The following ARHGEF9 variants were observed in gnomAD, a reference collection of about 807,000 sequenced individuals.
ARHGEF9 encodes Cdc42 guanine nucleotide exchange factor 9, also known as rho guanine nucleotide exchange factor 9.
In ARHGEF9, 2 loss-of-function variants were observed where a neutral mutation model predicts 41.3. The ratio of observed to expected loss-of-function variants is 0.05; its 90% CI spans 0.02 to 0.15. The LOEUF is 0.15. Ranked by LOEUF, ARHGEF9 falls within the 10% of genes least tolerant of loss-of-function variation. ARHGEF9 has a pLI of 1.00. For synonymous variants in ARHGEF9, 160 were observed against 154.4 expected, an observed-to-expected ratio of 1.04 and a Z score of -0.27; for missense variants, 225 against 424.7, an observed-to-expected ratio of 0.53 and a Z score of 4.13.
rs148298146 is a variant in ARHGEF9 at position 63,661,279 on chromosome X, A to G, written c.1077+4607T>C. ...TTCCCTGAACAGAAGTCTTCTGCCC[A>G]ACATCATTACACGTTGTTTAGTTCT... is the stretch of plus-strand genomic sequence containing the variant. On this transcript the variant is annotated intron_variant, in intron 7 of 9. Transcript: ENST00000671741. Among the ~76,000 whole-genome samples, 1,112 of 111,832 alleles carry G rather than the reference A, an allele frequency of 9.9e-3. 10 individuals are homozygous for G. The highest frequency in any genetic ancestry group is 0.034 in the African/African-American group (1,046 of 30,758).
intron 7 of ARHGEF9, 111 bp downstream of exon 7, chrX:63,665,775 T>G: frequency 1.0e-6 from 1 of 980,546 alleles, no homozygotes; most frequent in Non-Finnish European, 1.4e-6. Context: ...CTGTCTGTTT[T>G]CCCCCCATCA....
At chrX:63,690,707 C>T (rs781944934) in intron 4 of ARHGEF9, among the ~76,000 whole-genome samples, 2 of 111,927 alleles carry the variant, frequency 1.8e-5, no homozygotes, top group East Asian at 5.6e-4. Context: ...GCCAATATTA[C>T]TGGCAAACAT....
At chrX:63,739,588 C>T (rs2054829751) in intron 1 of ARHGEF9, among the ~76,000 whole-genome samples, 1 of 111,900 alleles carries the variant, frequency 8.9e-6, no homozygotes, top group African/African-American at 3.3e-5. Flanking sequence ...AGTCCTGAAT[C>T]TACCACCACC....
chrX:63,726,159 G>T (rs1470316433), intron 1 of ARHGEF9, among the ~76,000 whole-genome samples: 1 of 111,722 alleles, frequency 9.0e-6, no homozygotes, highest in East Asian at 2.8e-4. Flanking sequence ...TTCCACAGAA[G>T]GTAAGGCATA....
intron 2 of ARHGEF9, chrX:63,723,001 CTA>C (rs2053729519): frequency 9.0e-6 from 1 of 111,572 alleles, no homozygotes; most frequent in Non-Finnish European, 1.9e-5. Context: ...GTGCCCTCAC[CTA>C]AACTGTCCCA....
chrX:63,700,677 G>A (rs1444375232), intron 3 of ARHGEF9, among the ~76,000 whole-genome samples: 4 of 111,211 alleles, frequency 3.6e-5, no homozygotes, highest in Admixed American at 9.5e-5. Flanking sequence ...AGCCAGAGGG[G>A]AGTGAGCAGG....
At chrX:63,649,301 A>T (rs1556322756) in intron 8 of ARHGEF9, among the ~76,000 whole-genome samples, 1 of 111,101 alleles carries the variant, frequency 9.0e-6, no homozygotes, top group East Asian at 2.8e-4. Context: ...AAAACCGCTC[A>T]ACTACATGGA....
At chrX:63,650,798 T>A (rs1285168309) in intron 8 of ARHGEF9, among the ~76,000 whole-genome samples, 3 of 109,652 alleles carry the variant, frequency 2.7e-5, no homozygotes, top group African/African-American at 9.9e-5. Context: ...ATAAAAAAGA[T>A]CAATACTCCC....
chrX:63,665,971 T>A lies in ARHGEF9; in HGVS notation c.992A>T (p.Glu331Val). The change falls in exon 7 of 10, where the codon GAG becomes GTG. Residue 331 changes from glutamate (E) to valine (V), a missense_variant. Physicochemically the swap from Glu to Val is moderately radical, Grantham distance 121 (BLOSUM62 -2). Transcript: ENST00000671741. ...GTAGGGCTGGTAGATCCAGGCCATC[T>A]CCCCAGTGTAGATCAGCTCCGAGCT... ...DRSSELIYTG[E>V]MAWIYQPYGR... The A allele has an allele frequency of 8.3e-7, 1 of 1,210,157 alleles. No homozygotes were observed. The highest frequency in any genetic ancestry group is 1.1e-6 in the Non-Finnish European group (1 of 895,222).
intron 1 of ARHGEF9, among the ~76,000 whole-genome samples, chrX:63,756,473 A>G (rs1255532124): frequency 1.8e-5 from 2 of 112,672 alleles, no homozygotes; most frequent in African/African-American, 6.5e-5. Context: ...TATACATACA[A>G]TGAAGTATTA....
intron 1 of ARHGEF9, among the ~76,000 whole-genome samples, chrX:63,780,566 A>C (rs2056364257): frequency 8.9e-6 from 1 of 111,900 alleles, no homozygotes; most frequent in African/African-American, 3.3e-5. Context: ...TGCACCAGCA[A>C]TTTTAAACAA....
In ARHGEF9 at chrX:63,655,504, A is replaced by G. The variant is rs2048821132; in HGVS notation, c.1311T>C (p.Asp437=). The change falls in exon 8 of 10, where the codon GAT becomes GAC. Residue 437 remains aspartate (D), a synonymous_variant. Transcript: ENST00000671741. ...TCTCAGGTCACTTACCAATTTTTTCATCTTCCTGTACCATTTTCCTCTCTT... is the reference window on the plus strand; with the variant it reads ...TCTCAGGTCACTTACCAATTTTTTCGTCTTCCTGTACCATTTTCCTCTCTT... The part of the protein sequence containing the change: ...FREERKMVQE[D]EKIGFEISEN... 1 of 1,208,910 alleles carries G rather than the reference A, an allele frequency of 8.3e-7. No homozygotes were observed. Among genetic ancestry groups the G allele is most frequent in the Admixed American group, 2.2e-5 (1 of 45,658 alleles).
chrX:63,689,925 A>C (rs1409804742), intron 4 of ARHGEF9, among the ~76,000 whole-genome samples: 1 of 112,284 alleles, frequency 8.9e-6, no homozygotes, highest in African/African-American at 3.2e-5. Context: ...TTCTTTTAAA[A>C]AATAGAAATT....
At chrX:63,758,165 C>T (rs1424664604) in intron 1 of ARHGEF9, among the ~76,000 whole-genome samples, 20 of 102,975 alleles carry the variant, frequency 1.9e-4, no homozygotes, top group African/African-American at 6.9e-4. Flanking sequence ...ATCTGGTAGG[C>T]ATAGTGATAC....
intron 8 of ARHGEF9, among the ~76,000 whole-genome samples, chrX:63,654,621 G>T (rs782766739): frequency 5.4e-5 from 6 of 111,726 alleles, no homozygotes; most frequent in Non-Finnish European, 1.1e-4. Context: ...AAGGATAAGA[G>T]AACCCTTTTG....
At chrX:63,711,524 T>C (rs1340472570) in intron 2 of ARHGEF9, among the ~76,000 whole-genome samples, 1 of 112,040 alleles carries the variant, frequency 8.9e-6, no homozygotes, top group East Asian at 2.8e-4. Context: ...AATTGATATT[T>C]GTCAAAGGTG....
At chrX:63,761,144 A>G (rs1873404709) in intron 1 of ARHGEF9, among the ~76,000 whole-genome samples, 1 of 111,073 alleles carries the variant, frequency 9.0e-6, no homozygotes, top group Non-Finnish European at 1.9e-5. Context: ...TGCCTGCCAC[A>G]CCTTTGGCAA....
intron 1 of ARHGEF9, chrX:63,754,255 A>T (rs1238857145): frequency 8.5e-7 from 1 of 1,174,769 alleles, no homozygotes; most frequent in Admixed American, 2.2e-5. Flanking sequence ...ACGCGCAGGC[A>T]TTCTTAAAAG....
At chrX:63,686,374 G>T (rs1350436673) in intron 4 of ARHGEF9, among the ~76,000 whole-genome samples, 2 of 111,310 alleles carry the variant, frequency 1.8e-5, no homozygotes, top group African/African-American at 6.5e-5. Flanking sequence ...GAGCAGGTGA[G>T]AAGGGAGAAC....
Sources: gnomAD v4.1 joint callset for allele counts (sites outside exome capture counted in the v4.1 genomes callset) on GRCh38, gnomAD v4.1.1 for gene constraint, MANE v1.5 for transcripts, NCBI Gene and HGNC (gene_info 2026-07-23, HGNC 2026-07-21) for gene names.